The following IFFO2 variants were observed in gnomAD, a reference collection of about 807,000 sequenced individuals.
IFFO2 encodes intermediate filament family orphan 2.
In IFFO2, 19 loss-of-function variants were observed where a neutral mutation model predicts 53.5. The ratio of observed to expected loss-of-function variants is 0.36; its 90% CI spans 0.25 to 0.52. IFFO2 has a LOEUF of 0.52. IFFO2 is among the 20% of genes least tolerant of loss of function. The probability of loss-of-function intolerance (pLI) is 0.94; values close to 1 mark genes in which losing one functional copy is unlikely to be tolerated. For synonymous variants in IFFO2, 303 were observed against 313.6 expected, an observed-to-expected ratio of 0.97 and a Z score of 0.36; for missense variants, 570 against 727.4, an observed-to-expected ratio of 0.78 and a Z score of 2.49.
At chr1:18,951,035 G>T (rs1936653569) in intron 1 of IFFO2, among the ~76,000 whole-genome samples, 2 of 152,244 alleles carry the variant, frequency 1.3e-5, no homozygotes. Flanking sequence ...CAGATGGAAG[G>T]TCTGTCCAGC....
intron 1 of IFFO2, among the ~76,000 whole-genome samples, chr1:18,954,016 C>T (rs1936691531): frequency 6.6e-6 from 1 of 152,230 alleles, no homozygotes; most frequent in Non-Finnish European, 1.5e-5. Flanking sequence ...GCCTGCTTCC[C>T]TAGCCTGCCC....
chr1:18,937,034 C>T (rs760610159), intron 1 of IFFO2, among the ~76,000 whole-genome samples: 10 of 151,814 alleles, frequency 6.6e-5, no homozygotes, highest in Non-Finnish European at 7.4e-5. Context: ...AATGAGAAGT[C>T]TGAAGCTCAG....
chr1:18,922,434 G>A (rs940403945), intron 1 of IFFO2, among the ~76,000 whole-genome samples: 4 of 152,178 alleles, frequency 2.6e-5, no homozygotes, highest in African/African-American at 7.2e-5. Flanking sequence ...GGCCAGAGGG[G>A]AGGGAGGGGT....
rs1936171151 is a variant in IFFO2, at chr1:18,918,690, TG to T, written c.823-189del. ...GGCACTGGTCAGGGTGGGATGGGGTTGGGGCCTTGGGAGTCAGGGGCCAGTG... is the reference window on the plus strand; with the variant it reads ...GGCACTGGTCAGGGTGGGATGGGGTTGGGCCTTGGGAGTCAGGGGCCAGTG... On this transcript the variant is annotated intron_variant, in intron 3 of 8. Transcript: ENST00000455833. The surrounding 1 kb of genome is among the most constrained non-coding windows in gnomAD (Gnocchi z 5.2). Among the ~76,000 whole-genome samples the T allele has an allele frequency of 6.9e-6, 1 of 145,394 alleles. No individual in the cohort carries two copies. Among genetic ancestry groups the T allele is most frequent in the Non-Finnish European group, 1.5e-5 (1 of 66,292 alleles).
At position 18,911,539 on chromosome 1, in the gene IFFO2, A is replaced by ATTTG; in HGVS notation, c.1225-64_1225-63insCAAA. The ATTTG allele has an allele frequency of 6.7e-6, 5 of 747,244 alleles. No individual in the cohort carries two copies. In the South Asian group the frequency reaches 1.5e-4, roughly 23 times the overall value. 46.3% of individuals were successfully genotyped at this position (747,244 alleles called of 1,614,324 possible). Reference sequence around the variant, plus strand: ...TATTTATTTATTTATTTATTTATTTATTTATTTATTTATTCTTGAGACGGA... The same window carrying ATTTG: ...TATTTATTTATTTATTTATTTATTTATTTGTTTATTTATTTATTCTTGAGACGGA... On this transcript the variant is annotated intron_variant, in intron 6 of 8. Transcript: ENST00000455833.
In IFFO2 at chr1:18,906,431, C is replaced by T. The variant is rs1014388512; in HGVS notation, c.*2130G>A. ...CACCACCTTGGGGAACAACCCAGGG[C>T]CGGCTTCCACGCTGCCCACGAAACT... On this transcript the variant is annotated 3_prime_UTR_variant, in exon 9 of 9. Coordinates refer to ENST00000455833, the MANE Select transcript of IFFO2 (RefSeq NM_001136265.2). 6.6e-6 allele frequency: 1 copy of T among 152,236 alleles called. No individual in the cohort carries two copies. Among genetic ancestry groups the T allele is most frequent in the Non-Finnish European group, 1.5e-5 (1 of 68,068 alleles). The allele number at this position is 152,236 out of a possible 1,614,324, so 9.4% of individuals were successfully genotyped here.
intron 1 of IFFO2, among the ~76,000 whole-genome samples, chr1:18,951,206 T>C (rs1050234043): frequency 6.6e-6 from 1 of 152,186 alleles, no homozygotes; most frequent in African/African-American, 2.4e-5. Context: ...CATGGAGCTA[T>C]GGTGGGCAAC....
intron 5 of IFFO2, among the ~76,000 whole-genome samples, chr1:18,913,559 C>A (rs573521881): frequency 1.3e-5 from 2 of 152,246 alleles, no homozygotes; most frequent in Non-Finnish European, 1.5e-5. Flanking sequence ...CACACGTTCC[C>A]CCTCTTCTCC....
In IFFO2 at chr1:18,947,960, G is replaced by A. The variant is rs1462740557; in HGVS notation, c.665+7708C>T. ...ATGGGACAAGGCCACCTCCTGGGAGGAGCACTGACCTTGGGGTCCAGAGAC... is the reference window on the plus strand; with the variant it reads ...ATGGGACAAGGCCACCTCCTGGGAGAAGCACTGACCTTGGGGTCCAGAGAC... On this transcript the variant is annotated intron_variant, in intron 1 of 8. Transcript: ENST00000455833. This position sits in a 1 kb window ranked among gnomAD's most constrained non-coding sequence, Gnocchi z 5.0. 1.3e-5 allele frequency among the ~76,000 whole-genome samples: 2 copies of A among 152,186 alleles called. No homozygotes were observed. The highest frequency in any genetic ancestry group is 2.4e-5 in the African/African-American group (1 of 41,440).
intron 1 of IFFO2, among the ~76,000 whole-genome samples, chr1:18,923,050 G>T (rs541236966): frequency 6.6e-6 from 1 of 152,224 alleles, no homozygotes; most frequent in Non-Finnish European, 1.5e-5. Flanking sequence ...GGCTCAGAGC[G>T]GGGAAGGCGA....
At chr1:18,925,249 C>G (rs35716513) in intron 1 of IFFO2, among the ~76,000 whole-genome samples, 31,741 of 152,110 alleles carry the variant, frequency 0.21, 3,849 homozygotes, top group Admixed American at 0.4. Context: ...CCCTCTTCCT[C>G]TCTCCTCCTC....
intron 1 of IFFO2, among the ~76,000 whole-genome samples, chr1:18,946,437 T>C (rs930743390): frequency 1.4e-4 from 19 of 133,278 alleles, no homozygotes; most frequent in African/African-American, 5.1e-4. Context: ...TTTTTTGAGA[T>C]GGAGGCTCAC....
intron 1 of IFFO2, among the ~76,000 whole-genome samples, chr1:18,946,963 G>C (rs541584208): frequency 3.3e-5 from 5 of 152,328 alleles, no homozygotes; most frequent in African/African-American, 1.2e-4. Context: ...AGCACTGTTG[G>C]AGAAGGTACT....
In IFFO2 at chr1:18,947,915, C is replaced by T. The variant is rs1275297728; in HGVS notation, c.665+7753G>A. On this transcript the variant is annotated intron_variant, in intron 1 of 8. Coordinates refer to ENST00000455833, the MANE Select transcript of IFFO2 (RefSeq NM_001136265.2). This position sits in a 1 kb window ranked among gnomAD's most constrained non-coding sequence, Gnocchi z 5.0. The stretch of plus-strand genomic sequence containing the variant: ...GCCTGCCTCCTCACCCTGAGCCAGC[C>T]TTTGGCAACCTCCAGGGGCATGGGA... Among the ~76,000 whole-genome samples the T allele has an allele frequency of 2.0e-5, 3 of 152,246 alleles. No individual in the cohort carries two copies. The highest frequency in any genetic ancestry group is 4.4e-5 in the Non-Finnish European group (3 of 68,048).
chr1:18,919,844 A>T lies in IFFO2; in HGVS notation c.727-71T>A. On this transcript the variant is annotated intron_variant, in intron 2 of 8. Transcript: ENST00000455833. This position sits in a 1 kb window ranked among gnomAD's most constrained non-coding sequence, Gnocchi z 4.9. ...GGGGATAGGAGGGTCTGGACACCTG[A>T]GTCCAGAGCCCTAGGCACCCGATGT... 2.8e-6 allele frequency: 3 copies of T among 1,088,736 alleles called. No homozygotes were observed. The highest frequency in any genetic ancestry group is 4.1e-6 in the Non-Finnish European group (3 of 735,258). 67.4% of individuals were successfully genotyped at this position (1,088,736 alleles called of 1,614,324 possible). A position where few individuals can be genotyped will look rare whatever the true frequency, so the allele number is the denominator to read the frequency against.
chr1:18,911,107 G>A (rs745866582), intron 7 of IFFO2, among the ~76,000 whole-genome samples: 2 of 151,844 alleles, frequency 1.3e-5, no homozygotes, highest in Non-Finnish European at 2.9e-5. Flanking sequence ...ACTATCACTC[G>A]AATGTCAGCT....
At chr1:18,940,563 G>A (rs757580803) in intron 1 of IFFO2, among the ~76,000 whole-genome samples, 9 of 23,956 alleles carry the variant, frequency 3.8e-4, no homozygotes, top group Non-Finnish European at 7.4e-4. Flanking sequence ...ATGGACAAAC[G>A]GATGGATGGA....
At chr1:18,913,279 C>T (rs767780057) in intron 5 of IFFO2, among the ~76,000 whole-genome samples, 32 of 152,370 alleles carry the variant, frequency 2.1e-4, no homozygotes, top group Middle Eastern at 3.4e-3. Flanking sequence ...GGTGGCTCCC[C>T]GAGTCCAGGG....
intron 1 of IFFO2, among the ~76,000 whole-genome samples, chr1:18,930,546 C>T (rs779976234): frequency 6.6e-6 from 1 of 152,252 alleles, no homozygotes; most frequent in African/African-American, 2.4e-5. Context: ...TCACCGTCCA[C>T]ACCCCATAGA....
Sources: gnomAD v4.1 joint callset for allele counts (sites outside exome capture counted in the v4.1 genomes callset) on GRCh38, gnomAD v4.1.1 for gene constraint, Gnocchi (gnomAD v3.1) non-coding constraint, MANE v1.5 for transcripts, NCBI Gene and HGNC (gene_info 2026-07-23, HGNC 2026-07-21) for gene names.